The following ETV1 variants were observed in gnomAD, a reference collection of about 807,000 sequenced individuals.
ETV1 encodes ETS variant transcription factor 1.
Under a neutral mutation model 62.3 loss-of-function variants are expected in ETV1, and 27 were observed. That is an observed-to-expected ratio of 0.43 (90% CI 0.32 to 0.60). The LOEUF is 0.60. Among genes scored for constraint, ETV1 ranks in the 20% least tolerant of loss-of-function variants. ETV1 has a pLI of 0.06. For missense variants in ETV1, 605 were observed against 605.8 expected (o/e 1.00, Z 0.01); for synonymous variants, 222 against 199.6 (o/e 1.11, Z -0.94).
At chr7:13,907,816 A>G (rs1783130240) in intron 11 of ETV1, 1 of 470,588 alleles carries the variant, frequency 2.1e-6, no homozygotes, top group Admixed American at 2.4e-5. Context: ...AGAGACATAT[A>G]CCTCTTAAAA....
At chr7:13,986,270 C>G in intron 5 of ETV1, 4 of 1,514,442 alleles carry the variant, frequency 2.6e-6, no homozygotes, top group Non-Finnish European at 3.5e-6. Context: ...CTAAAGGAAA[C>G]AGCAAGCCAG....
At chr7:13,947,305 G>A (rs1016935486) in intron 6 of ETV1, among the ~76,000 whole-genome samples, 2 of 141,746 alleles carry the variant, frequency 1.4e-5, no homozygotes, top group African/African-American at 5.2e-5. Context: ...AAGATAATAT[G>A]TTTAAGTGTT....
At chr7:13,935,677 A>C in intron 8 of ETV1, 31 bp downstream of exon 8, 1 of 1,591,350 alleles carries the variant, frequency 6.3e-7, no homozygotes, top group Non-Finnish European at 8.6e-7. Context: ...CGCAAAAAAC[A>C]GTTTCTAGAA....
rs141671956 is a variant in ETV1 at position 13,926,255 on chromosome 7, T to C, written c.802+5247A>G. 1.8e-3 allele frequency among the ~76,000 whole-genome samples: 269 copies of C among 152,330 alleles called. 1 individual carries two copies. The highest frequency in any genetic ancestry group is 6.1e-3 in the African/African-American group (253 of 41,574). ...TGAGAGTGAAATTACCATGTGAACA[T>C]TGTGTGCTGATATTCTCTAAAGTCA... is the stretch of plus-strand genomic sequence containing the variant. On this transcript the variant is annotated intron_variant, in intron 9 of 13. Transcript: ENST00000430479.
At chr7:13,935,396 T>A (rs1460751066) in intron 8 of ETV1, among the ~76,000 whole-genome samples, 1 of 152,194 alleles carries the variant, frequency 6.6e-6, no homozygotes, top group Non-Finnish European at 1.5e-5. Context: ...AAAAATGGGA[T>A]GATCTGATTT....
intron 6 of ETV1, among the ~76,000 whole-genome samples, chr7:13,939,924 T>G (rs553387565): frequency 2.5e-4 from 38 of 152,346 alleles, no homozygotes; most frequent in African/African-American, 9.1e-4. Context: ...TGAAATGATG[T>G]TTTCACCTTT....
intron 5 of ETV1, chr7:13,986,012 T>G (rs1782515221): frequency 1.1e-6 from 1 of 943,390 alleles, no homozygotes; most frequent in Non-Finnish European, 1.6e-6. Context: ...AAGGTCAATT[T>G]CAGCAAACAT....
intron 6 of ETV1, among the ~76,000 whole-genome samples, chr7:13,967,949 T>C (rs1780474636): frequency 6.6e-6 from 1 of 152,106 alleles, no homozygotes; most frequent in African/African-American, 2.4e-5. Context: ...TATGTGTATT[T>C]ATTAAAAATA....
Position 13,911,313 on chromosome 7 carries a change from A to G in ETV1, c.803-6T>C. 6.2e-7 allele frequency: 1 copy of G among 1,607,338 alleles called. No homozygotes were observed. The highest frequency in any genetic ancestry group is 1.1e-5 in the South Asian group (1 of 90,494). On this transcript the variant is annotated splice_polypyrimidine_tract_variant and splice_region_variant and intron_variant, in intron 9 of 13. Transcript: ENST00000430479. Reference sequence around the variant, plus strand: ...GGAGTGGCAGCTAGGCACTTCTGAAAGAGGAAACAATATTGGTCAAAAAGA... The same window carrying G: ...GGAGTGGCAGCTAGGCACTTCTGAAGGAGGAAACAATATTGGTCAAAAAGA...
intron 9 of ETV1, among the ~76,000 whole-genome samples, 169 bp downstream of exon 9, chr7:13,931,333 T>C (rs1401542018): frequency 6.6e-6 from 1 of 152,248 alleles, no homozygotes; most frequent in Non-Finnish European, 1.5e-5. Context: ...CAAAATGACC[T>C]GATAGTTCAA....
intron 6 of ETV1, among the ~76,000 whole-genome samples, chr7:13,952,079 C>G (rs1003205210): frequency 1.3e-5 from 2 of 152,090 alleles, no homozygotes; most frequent in African/African-American, 2.4e-5. Flanking sequence ...ACATGGAAAA[C>G]GTCAGTTAGG....
At chr7:13,925,599 T>G (rs1785320841) in intron 9 of ETV1, among the ~76,000 whole-genome samples, 1 of 151,176 alleles carries the variant, frequency 6.6e-6, no homozygotes, top group African/African-American at 2.4e-5. Flanking sequence ...AGAGTCTCGC[T>G]CTGCTGCCCA....
At position 13,895,676 on chromosome 7, in the gene ETV1, A is replaced by G. The variant is rs1781698494; in HGVS notation, c.*190T>C. On this transcript the variant is annotated 3_prime_UTR_variant, in exon 14 of 14. Coordinates refer to ENST00000430479, the MANE Select transcript of ETV1 (RefSeq NM_004956.5). ...CAGAATAAATGTTTAGATTACTCCC[A>G]CCCACCCTCAAATAAAGTGCACAGT... 1.7e-6 allele frequency: 1 copy of G among 574,456 alleles called. No homozygotes were observed. Among genetic ancestry groups the G allele is most frequent in the South Asian group, 2.4e-5 (1 of 41,844 alleles). 35.6% of individuals were successfully genotyped at this position (574,456 alleles called of 1,614,324 possible).
At chr7:13,984,606 C>T (rs765980) in intron 5 of ETV1, among the ~76,000 whole-genome samples, 86,970 of 151,648 alleles carry the variant, frequency 0.57, 25,266 homozygotes, top group African/African-American at 0.63. Flanking sequence ...GTTTTGAAAA[C>T]GCTTAAATTA....
At chr7:13,921,712 A>C (rs1432234342) in intron 9 of ETV1, among the ~76,000 whole-genome samples, 1 of 152,228 alleles carries the variant, frequency 6.6e-6, no homozygotes, top group African/African-American at 2.4e-5. Flanking sequence ...TAATACAGTC[A>C]TACAGAATAA....
intron 9 of ETV1, among the ~76,000 whole-genome samples, chr7:13,925,380 G>T (rs1286970854): frequency 6.6e-6 from 1 of 152,256 alleles, no homozygotes; most frequent in East Asian, 1.9e-4. Flanking sequence ...ACTGTGCAAG[G>T]TGAACATGAA....
At chr7:13,986,155 T>A in intron 5 of ETV1, 1 of 1,594,452 alleles carries the variant, frequency 6.3e-7, no homozygotes, top group Non-Finnish European at 8.5e-7. Flanking sequence ...AAGAAGACAC[T>A]TGCACTTAAA....
chr7:13,940,309 C>T (rs894640542), intron 6 of ETV1, among the ~76,000 whole-genome samples: 7 of 150,704 alleles, frequency 4.6e-5, no homozygotes, highest in South Asian at 4.2e-4. Flanking sequence ...TTGCAGTGAG[C>T]CGAGATCATG....
At chr7:13,933,599 G>A (rs1270025859) in intron 8 of ETV1, among the ~76,000 whole-genome samples, 2 of 152,190 alleles carry the variant, frequency 1.3e-5, no homozygotes, top group South Asian at 2.1e-4. Flanking sequence ...GTGAAGTGGG[G>A]TGCCTGGCTG....
Sources: allele counts gnomAD v4.1 joint callset (sites outside exome capture counted in the v4.1 genomes callset), GRCh38; gene constraint gnomAD v4.1.1; transcripts MANE v1.5; gene names NCBI Gene and HGNC (gene_info 2026-07-23, HGNC 2026-07-21).